The following SLC38A9 variants were observed in gnomAD, a reference collection of about 807,000 sequenced individuals.
SLC38A9 encodes solute carrier family 38 member 9.
In SLC38A9, 48 loss-of-function variants were observed where a neutral mutation model predicts 62.3. That is an observed-to-expected ratio of 0.77 (90% CI 0.61 to 0.98). The LOEUF (loss-of-function observed/expected upper bound fraction) is 0.98, where lower values mean the gene tolerates loss of function less well. Among genes scored for constraint, SLC38A9 ranks in the 50% least tolerant of loss-of-function variants. SLC38A9 has a pLI of 0.00. For synonymous variants in SLC38A9, 204 were observed against 227.7 expected (o/e 0.90, Z 0.94); for missense variants, 541 against 679.8 (o/e 0.80, Z 2.27).
chr5:55,698,385 C>T (rs905961847), intron 2 of SLC38A9, among the ~76,000 whole-genome samples: 9 of 152,200 alleles, frequency 5.9e-5, no homozygotes, highest in African/African-American at 2.2e-4. Flanking sequence ...AAAGAAACTG[C>T]TGCTGCCTGG....
In SLC38A9 at chr5:55,626,644, T is replaced by G; in HGVS notation, c.1536A>C (p.Ala512=). The part of the protein sequence containing the change: ...IGGIIRYSGA[A]CGLAFVFIYP... Reference sequence around the variant, plus strand: ...ATATGAATACAAAGGCCAGTCCACATGCTGCTCCTGAATATCTGCAAAATA... The same window carrying G: ...ATATGAATACAAAGGCCAGTCCACAGGCTGCTCCTGAATATCTGCAAAATA... The change falls in exon 16 of 16, where the codon GCA becomes GCC. Residue 512 remains alanine (A), a synonymous_variant. Transcript: ENST00000396865. The G allele has an allele frequency of 6.2e-7, 1 of 1,603,296 alleles. No individual in the cohort carries two copies. Among genetic ancestry groups the G allele is most frequent in the African/African-American group, 1.3e-5 (1 of 74,136 alleles).
chr5:55,683,444 C>A (rs913975404), intron 3 of SLC38A9, among the ~76,000 whole-genome samples: 3 of 152,132 alleles, frequency 2.0e-5, no homozygotes, highest in African/African-American at 7.2e-5. Flanking sequence ...ATAGGAATGC[C>A]ATATTTTCGG....
intron 7 of SLC38A9, among the ~76,000 whole-genome samples, chr5:55,666,824 G>A (rs1463288258): frequency 1.3e-5 from 2 of 152,234 alleles, no homozygotes; most frequent in South Asian, 2.1e-4. Flanking sequence ...TCAGGAGATC[G>A]AGACCACAGT....
intron 10 of SLC38A9, among the ~76,000 whole-genome samples, chr5:55,650,273 A>T (rs1054313188): frequency 1.3e-5 from 2 of 152,200 alleles, no homozygotes; most frequent in Non-Finnish European, 2.9e-5. Context: ...AAGGTAGAAG[A>T]TTATTCCTTT....
chr5:55,649,395 G>GTC, intron 10 of SLC38A9, 81 bp from the exon 11 acceptor site: 6 of 840,400 alleles, frequency 7.1e-6, no homozygotes, highest in Non-Finnish European at 1.1e-5. Flanking sequence ...TGTTTCCATA[G>GTC]TCTCAGCAAA....
chr5:55,635,727 G>T (rs1355478714), intron 12 of SLC38A9, 70 bp from the exon 13 acceptor site: 1 of 935,332 alleles, frequency 1.1e-6, no homozygotes. Context: ...ATAGGCTAAG[G>T]AGACTAACAA....
In SLC38A9 at chr5:55,626,640, C is replaced by A; in HGVS notation, c.1540G>T (p.Gly514Ter). The change falls in exon 16 of 16, where the codon GGA (glycine) becomes TGA (stop). Residue 514 changes from glycine (G) to a stop codon, truncating the protein, a stop_gained. Transcript: ENST00000396865. LOFTEE classifies it high-confidence loss of function. ...GGGTATATGAATACAAAGGCCAGTCCACATGCTGCTCCTGAATATCTGCAA... is the reference window on the plus strand; with the variant it reads ...GGGTATATGAATACAAAGGCCAGTCAACATGCTGCTCCTGAATATCTGCAA... The part of the protein sequence containing the change: ...GIIRYSGAAC[G>*]LAFVFIYPSL... 1.2e-6 allele frequency: 2 copies of A among 1,604,226 alleles called. No individual in the cohort carries two copies. The highest frequency in any genetic ancestry group is 1.1e-5 in the South Asian group (1 of 89,636).
At chr5:55,711,886 G>T (rs1292555397) in intron 1 of SLC38A9, among the ~76,000 whole-genome samples, 3 of 152,116 alleles carry the variant, frequency 2.0e-5, no homozygotes, top group African/African-American at 7.2e-5. Flanking sequence ...GAGGGTCAGG[G>T]TGTTCATTTA....
Position 55,645,818 on chromosome 5 carries a change from A to G in SLC38A9, c.1138T>C (p.Leu380=). 1 of 1,610,808 alleles carries G rather than the reference A, an allele frequency of 6.2e-7. No homozygotes were observed. Among genetic ancestry groups the G allele is most frequent in the African/African-American group, 1.3e-5 (1 of 74,952 alleles). ...TTTTCTTGTTTCTTGTTGTTCTTCA[A>G]GAGTGTGATGATACAATTATGAATA... ...FFIHNCIITL[L]KNNKKQENNV... is the part of the protein sequence containing the mutation. Residue 380 remains leucine, a synonymous_variant, in exon 12 of 16, where the codon TTG becomes CTG. Transcript: ENST00000396865.
intron 14 of SLC38A9, among the ~76,000 whole-genome samples, chr5:55,631,383 C>CT (rs1205788879): frequency 6.6e-6 from 1 of 152,052 alleles, no homozygotes; most frequent in Non-Finnish European, 1.5e-5. Context: ...AGGGAAATCT[C>CT]TGACTTTTTC....
At chr5:55,666,765 C>T (rs1391490876) in intron 7 of SLC38A9, among the ~76,000 whole-genome samples, 1 of 151,726 alleles carries the variant, frequency 6.6e-6, no homozygotes, top group South Asian at 2.1e-4. Context: ...CAGTGGCTCA[C>T]GCCTGTAATC....
chr5:55,653,827 T>C (rs1439322029), intron 9 of SLC38A9, among the ~76,000 whole-genome samples: 1 of 152,000 alleles, frequency 6.6e-6, no homozygotes, highest in Non-Finnish European at 1.5e-5. Flanking sequence ...CCCGGCTAAT[T>C]TTTGTATTTT....
chr5:55,691,327 A>G (rs2150536699), intron 3 of SLC38A9: 2 of 1,450,880 alleles, frequency 1.4e-6, no homozygotes, highest in East Asian at 2.5e-5. Flanking sequence ...ACTGGTGAAT[A>G]AGGGGCAGAA....
In SLC38A9 at chr5:55,698,011, T is replaced by C; in HGVS notation, c.-34-19A>G. The C allele has an allele frequency of 6.2e-6, 5 of 811,856 alleles. No individual in the cohort carries two copies. The highest frequency in any genetic ancestry group is 7.9e-6 in the Non-Finnish European group (4 of 505,386). 50.3% of individuals were successfully genotyped at this position (811,856 alleles called of 1,614,324 possible). On this transcript the variant is annotated intron_variant, in intron 2 of 15. Coordinates refer to ENST00000396865, the MANE Select transcript of SLC38A9 (RefSeq NM_173514.4). ...GTTAGTCCTACACAAAGAAGATAAATAATTTAGTTTAATTTTAAAATATTT... is the reference window on the plus strand; with the variant it reads ...GTTAGTCCTACACAAAGAAGATAAACAATTTAGTTTAATTTTAAAATATTT...
At chr5:55,635,695 A>G (rs373693385) in intron 12 of SLC38A9, 38 bp from the exon 13 acceptor site, 4 of 1,379,544 alleles carry the variant, frequency 2.9e-6, no homozygotes, top group Non-Finnish European at 4.1e-6. Context: ...ATACTGAAGA[A>G]CCTTGTAGTA....
chr5:55,673,580 C>T (rs1337711126), intron 3 of SLC38A9: 1 of 150,806 alleles, frequency 6.6e-6, no homozygotes, highest in Non-Finnish European at 1.5e-5. Context: ...AGGCACAGAT[C>T]CAAAGAAAGA....
At chr5:55,689,919 C>A (rs1013805755) in intron 3 of SLC38A9, among the ~76,000 whole-genome samples, 1 of 151,954 alleles carries the variant, frequency 6.6e-6, no homozygotes, top group Non-Finnish European at 1.5e-5. Flanking sequence ...AAACTAGCTT[C>A]CAGGCAAGTA....
chr5:55,648,505 GA>G (rs1325923027), intron 11 of SLC38A9, among the ~76,000 whole-genome samples: 3 of 152,082 alleles, frequency 2.0e-5, no homozygotes, highest in African/African-American at 7.2e-5. Flanking sequence ...TTATTCCTTT[GA>G]AAAGGCATAT....
Position 55,687,944 on chromosome 5 carries a change from G to A in SLC38A9, c.113+9902C>T, listed in dbSNP as rs189706278. ...AATCTCCTGACCTCATGATCCGCCC[G>A]CCTTGGCCTCCCAAAGTGTTGGGAT... On this transcript the variant is annotated intron_variant, in intron 3 of 15. Coordinates refer to ENST00000396865, the MANE Select transcript of SLC38A9 (RefSeq NM_173514.4). Among the ~76,000 whole-genome samples the A allele has an allele frequency of 1.6e-3, 236 of 152,218 alleles. 1 individual carries two copies. Among genetic ancestry groups the A allele is most frequent in the Middle Eastern group, 0.014 (4 of 292 alleles).
Sources: allele counts gnomAD v4.1 joint callset (sites outside exome capture counted in the v4.1 genomes callset), GRCh38; gene constraint gnomAD v4.1.1; transcripts MANE v1.5; gene names NCBI Gene and HGNC (gene_info 2026-07-23, HGNC 2026-07-21).